Variants in GPM6A observed in about 807,000 individuals in gnomAD.
GPM6A encodes the protein neuronal membrane glycoprotein M6-a.
Under a neutral mutation model 32.1 loss-of-function variants are expected in GPM6A, and 7 were observed. That is an observed-to-expected ratio of 0.22 (90% CI 0.12 to 0.41). GPM6A has a LOEUF of 0.41. GPM6A is among the 10% of genes least tolerant of loss of function. The pLI is 1.00. For synonymous variants in GPM6A, 130 were observed against 123.4 expected, an observed-to-expected ratio of 1.05 and a Z score of -0.35; for missense variants, 235 against 347.2, an observed-to-expected ratio of 0.68 and a Z score of 2.57.
At chr4:175,982,759 C>A (rs1740855196) in intron 1 of GPM6A, among the ~76,000 whole-genome samples, 1 of 152,024 alleles carries the variant, frequency 6.6e-6, no homozygotes, top group South Asian at 2.1e-4. Flanking sequence ...ATTTGAGAAT[C>A]AACCTATAAA....
chr4:175,886,019 T>C (rs1308018158), intron 1 of GPM6A, among the ~76,000 whole-genome samples: 1 of 151,924 alleles, frequency 6.6e-6, no homozygotes, highest in Non-Finnish European at 1.5e-5. Context: ...TTAAGAGACA[T>C]GGAGGTCAGA....
chr4:175,738,434 T>C lies in GPM6A; in HGVS notation c.38-36667A>G, dbSNP rs145134252. Among the ~76,000 whole-genome samples the C allele has an allele frequency of 2.4e-3, 359 of 152,280 alleles. 1 individual carries two copies. Among genetic ancestry groups the C allele is most frequent in the African/African-American group, 8.3e-3 (346 of 41,560 alleles). ...ACCATTTTGCTTCTCTTGGTGGCAC[T>C]AATTTGAGAAAATATTCTTAATATG... On this transcript the variant is annotated intron_variant, in intron 1 of 6. Coordinates refer to ENST00000393658, the MANE Select transcript of GPM6A (RefSeq NM_201591.3).
chr4:175,903,857 A>T (rs560089856), intron 1 of GPM6A, among the ~76,000 whole-genome samples: 10 of 152,172 alleles, frequency 6.6e-5, no homozygotes, highest in Non-Finnish European at 1.3e-4. Flanking sequence ...AAATTGGGAC[A>T]GCCAGCCAAA....
intron 3 of GPM6A, among the ~76,000 whole-genome samples, chr4:175,663,645 T>A (rs1026431411): frequency 6.6e-5 from 10 of 152,260 alleles, no homozygotes; most frequent in East Asian, 1.9e-4. Context: ...TATATACAAC[T>A]TTTACTTGTC....
chr4:175,854,625 G>A (rs556538560), intron 1 of GPM6A, among the ~76,000 whole-genome samples: 18 of 152,256 alleles, frequency 1.2e-4, no homozygotes, highest in Non-Finnish European at 2.4e-4. Context: ...TGCCCTGAAG[G>A]AATTTCCAGG....
intron 1 of GPM6A, among the ~76,000 whole-genome samples, chr4:175,727,399 T>G (rs1731223284): frequency 1.3e-5 from 2 of 152,128 alleles, no homozygotes; most frequent in East Asian, 1.9e-4. Flanking sequence ...AATACTAAAT[T>G]TAATGGAGAA....
chr4:175,938,286 G>A (rs1739301217), intron 1 of GPM6A, among the ~76,000 whole-genome samples: 1 of 152,278 alleles, frequency 6.6e-6, no homozygotes, highest in East Asian at 1.9e-4. Flanking sequence ...GTATTGCTGA[G>A]TCAAATGGTA....
At chr4:175,894,319 C>T (rs1737732438) in intron 1 of GPM6A, among the ~76,000 whole-genome samples, 1 of 152,084 alleles carries the variant, frequency 6.6e-6, no homozygotes, top group Non-Finnish European at 1.5e-5. Flanking sequence ...GGGAAATCAT[C>T]TATATCTAAT....
intron 1 of GPM6A, among the ~76,000 whole-genome samples, chr4:175,702,620 T>G (rs1412188206): frequency 6.6e-6 from 1 of 152,080 alleles, no homozygotes; most frequent in Non-Finnish European, 1.5e-5. Flanking sequence ...GTTCAAGAGA[T>G]TCTCCTGCCT....
At chr4:175,735,284 C>T (rs1182191956) in intron 1 of GPM6A, among the ~76,000 whole-genome samples, 4 of 152,054 alleles carry the variant, frequency 2.6e-5, no homozygotes, top group South Asian at 2.1e-4. Flanking sequence ...AAAATCCTGG[C>T]GTCATATAAA....
At chr4:175,757,387 C>A (rs1056026521) in intron 1 of GPM6A, among the ~76,000 whole-genome samples, 6 of 152,068 alleles carry the variant, frequency 3.9e-5, no homozygotes, top group Non-Finnish European at 7.4e-5. Flanking sequence ...CATTAAGGAC[C>A]CCAATTCAGA....
At chr4:175,962,739 C>A (rs887416187) in intron 1 of GPM6A, among the ~76,000 whole-genome samples, 1 of 152,126 alleles carries the variant, frequency 6.6e-6, no homozygotes, top group Non-Finnish European at 1.5e-5. Context: ...CTATTTACCT[C>A]ATTTATTTTT....
intron 1 of GPM6A, among the ~76,000 whole-genome samples, chr4:175,874,717 T>C (rs989204521): frequency 7.2e-5 from 11 of 152,044 alleles, no homozygotes; most frequent in African/African-American, 2.4e-4. Context: ...GTGTATGAGA[T>C]ATAGAATTTC....
At chr4:175,729,044 G>A (rs1731303613) in intron 1 of GPM6A, among the ~76,000 whole-genome samples, 2 of 152,228 alleles carry the variant, frequency 1.3e-5, no homozygotes, top group Non-Finnish European at 2.9e-5. Context: ...CTTGTAATGT[G>A]TGCTTTACTG....
At chr4:175,967,228 C>T (rs776486920) in intron 1 of GPM6A, among the ~76,000 whole-genome samples, 4 of 152,148 alleles carry the variant, frequency 2.6e-5, no homozygotes, top group South Asian at 2.1e-4. Context: ...GCAGAATAAA[C>T]ATTTGACAAC....
chr4:175,692,410 A>G (rs1316186202), intron 2 of GPM6A, among the ~76,000 whole-genome samples: 1 of 152,186 alleles, frequency 6.6e-6, no homozygotes, highest in African/African-American at 2.4e-5. Context: ...TTGATAGGTT[A>G]TAAATAATGG....
At chr4:175,672,999 T>G (rs1270163959) in intron 3 of GPM6A, among the ~76,000 whole-genome samples, 2 of 152,086 alleles carry the variant, frequency 1.3e-5, no homozygotes, top group Non-Finnish European at 2.9e-5. Context: ...ATTAGACACA[T>G]GTTGTTACAT....
chr4:175,691,406 C>T (rs566480416), intron 2 of GPM6A, among the ~76,000 whole-genome samples: 2 of 149,668 alleles, frequency 1.3e-5, no homozygotes, highest in East Asian at 3.9e-4. Context: ...ATTGTAAAAG[C>T]AATATATAAG....
At chr4:175,764,505 T>C (rs138994448) in intron 1 of GPM6A, among the ~76,000 whole-genome samples, 1 of 152,218 alleles carries the variant, frequency 6.6e-6, no homozygotes, top group African/African-American at 2.4e-5. Context: ...TGTCATGTGA[T>C]AGGCTTCTTT....
Sources: gnomAD v4.1 joint callset for allele counts (sites outside exome capture counted in the v4.1 genomes callset) on GRCh38, gnomAD v4.1.1 for gene constraint, MANE v1.5 for transcripts, NCBI Gene and HGNC (gene_info 2026-07-23, HGNC 2026-07-21) for gene names.